The following DPY19L2 variants were observed in gnomAD, a reference collection of about 807,000 sequenced individuals.
The protein encoded by DPY19L2 is probable C-mannosyltransferase DPY19L2.
DPY19L2 carries 34 observed loss-of-function variants against 97.9 expected under a neutral mutation model. That is an observed-to-expected ratio of 0.35 (90% CI 0.26 to 0.46). DPY19L2 has a LOEUF of 0.46. Among genes scored for constraint, DPY19L2 ranks in the 20% least tolerant of loss-of-function variants. The probability of loss-of-function intolerance (pLI) is 1.00; values close to 1 mark genes in which losing one functional copy is unlikely to be tolerated. For synonymous variants in DPY19L2, 230 were observed against 307.9 expected, an observed-to-expected ratio of 0.75 and a Z score of 2.65; for missense variants, 623 against 911.4, an observed-to-expected ratio of 0.68 and a Z score of 4.07.
chr12:63,646,622 C>T (rs571127989), intron 5 of DPY19L2, among the ~76,000 whole-genome samples: 1 of 152,220 alleles, frequency 6.6e-6, no homozygotes, highest in East Asian at 1.9e-4. Flanking sequence ...GAATGAGAGT[C>T]TCAAGGGACG....
intron 4 of DPY19L2, among the ~76,000 whole-genome samples, chr12:63,651,353 AT>A (rs1894200583): frequency 6.6e-6 from 1 of 152,164 alleles, no homozygotes; most frequent in South Asian, 2.1e-4. Flanking sequence ...CAAAAATTTC[AT>A]GATGAAGATG....
chr12:63,626,573 G>C (rs1475817467), intron 6 of DPY19L2, 47 bp from the exon 7 acceptor site: 2 of 1,520,156 alleles, frequency 1.3e-6, no homozygotes, highest in Non-Finnish European at 1.8e-6. Flanking sequence ...CAAAATTCAT[G>C]TAAAATACAG....
chr12:63,632,385 A>C (rs1327759269), intron 6 of DPY19L2, among the ~76,000 whole-genome samples: 2 of 152,208 alleles, frequency 1.3e-5, no homozygotes, highest in African/African-American at 2.4e-5. Flanking sequence ...TACAAAATCA[A>C]TGTGCAAAAA....
In DPY19L2 at chr12:63,668,215, T is replaced by G; in HGVS notation, c.179A>C (p.Gln60Pro). 6.2e-7 allele frequency: 1 copy of G among 1,613,880 alleles called. No homozygotes were observed. Among genetic ancestry groups the G allele is most frequent in the South Asian group, 1.1e-5 (1 of 91,076 alleles). Residue 60 changes from glutamine (Q) to proline (P), a missense_variant, in exon 1 of 22, where the codon CAA becomes CCA. Transcript: ENST00000324472. Reference protein sequence around the residue: ...GSWRSSPGRIQSLKERKGLEL... With the variant: ...GSWRSSPGRIPSLKERKGLEL... ...CAAGCCTTTTCGCTCTTTCAGACTT[T>G]GGATCCTCCCCGGGGAGGACCTCCA...
intron 3 of DPY19L2, among the ~76,000 whole-genome samples, chr12:63,662,019 T>C (rs1293157312): frequency 6.6e-6 from 1 of 152,206 alleles, no homozygotes; most frequent in East Asian, 1.9e-4. Flanking sequence ...GAAAGCTCAG[T>C]GTCAATTGAC....
Position 63,668,042 on chromosome 12 carries a change from C to G in DPY19L2, c.337+15G>C. On this transcript the variant is annotated intron_variant, in intron 1 of 21. Transcript: ENST00000324472. ...CATGCGGCTCCCTCCTAGGGCTCTC[C>G]TGCCCTCTCCTCACCGATGCCGAGA... 6.2e-7 allele frequency: 1 copy of G among 1,611,462 alleles called. No individual in the cohort carries two copies. The highest frequency in any genetic ancestry group is 1.1e-5 in the South Asian group (1 of 90,586).
chr12:63,660,729 T>A (rs972441607), intron 4 of DPY19L2, among the ~76,000 whole-genome samples: 3 of 152,148 alleles, frequency 2.0e-5, no homozygotes, highest in Non-Finnish European at 4.4e-5. Flanking sequence ...CAGTAAGTTT[T>A]CATTAATATG....
Position 63,560,280 on chromosome 12 carries a change from G to T in DPY19L2, c.*232C>A. ...AATTCTGAAATGAACATTTGTTTAT[G>T]CAGTATGACATGAATGATTTAATAA... is the stretch of plus-strand genomic sequence containing the variant. On this transcript the variant is annotated 3_prime_UTR_variant, in exon 22 of 22. Coordinates refer to ENST00000324472, the MANE Select transcript of DPY19L2 (RefSeq NM_173812.5). 2.7e-6 allele frequency: 1 copy of T among 364,118 alleles called. No individual in the cohort carries two copies. The highest frequency in any genetic ancestry group is 4.7e-5 in the East Asian group (1 of 21,406). 22.6% of individuals were successfully genotyped at this position (364,118 alleles called of 1,614,324 possible). A position where few individuals can be genotyped will look rare whatever the true frequency, so the allele number is the denominator to read the frequency against.
chr12:63,637,783 A>G (rs1402357239), intron 6 of DPY19L2, among the ~76,000 whole-genome samples: 1 of 152,164 alleles, frequency 6.6e-6, no homozygotes, highest in East Asian at 1.9e-4. Flanking sequence ...AGAGGTACAA[A>G]GAGGAACTGG....
At chr12:63,577,162 G>T (rs1483465619) in intron 19 of DPY19L2, among the ~76,000 whole-genome samples, 1 of 151,880 alleles carries the variant, frequency 6.6e-6, no homozygotes, top group African/African-American at 2.4e-5. Flanking sequence ...TTTTACAGCA[G>T]TCCCAAAAAC....
rs1882233103 is a variant in DPY19L2 at position 63,588,631 on chromosome 12, A to G, written c.1581-4795T>C. ...TAAAGCCATTTTTAAAAAATTTAAC[A>G]TTCATTTTTTACTGCTTTATTGAGT... On this transcript the variant is annotated intron_variant, in intron 16 of 21. Coordinates refer to ENST00000324472, the MANE Select transcript of DPY19L2 (RefSeq NM_173812.5). Among the ~76,000 whole-genome samples the G allele has an allele frequency of 2.6e-5, 4 of 151,900 alleles. No homozygotes were observed. In the South Asian group the frequency reaches 8.3e-4, roughly 31 times the overall value.
rs1888659513 is a variant in DPY19L2 at position 63,621,328 on chromosome 12, G to A, written c.963C>T (p.Ser321=). The change falls in exon 9 of 22, where the codon AGC becomes AGT. Residue 321 remains serine (S), a synonymous_variant. Transcript: ENST00000324472. Reference sequence around the variant, plus strand: ...GTGCAATGAAGGGCCTTCTATCATTGCTTGAGGTCCTTAATAGAGAGAATT... The same window carrying A: ...GTGCAATGAAGGGCCTTCTATCATTACTTGAGGTCCTTAATAGAGAGAATT... ...CILTLILRTS[S]NDRRPFIALC... The A allele has an allele frequency of 1.1e-6, 1 of 948,704 alleles. No homozygotes were observed. The highest frequency in any genetic ancestry group is 1.5e-5 in the South Asian group (1 of 68,454). The allele number at this position is 948,704 out of a possible 1,614,324, so 58.8% of individuals were successfully genotyped here. A position where few individuals can be genotyped will look rare whatever the true frequency, so the allele number is the denominator to read the frequency against.
At chr12:63,601,748 A>G (rs1048716968) in intron 12 of DPY19L2, among the ~76,000 whole-genome samples, 1 of 152,166 alleles carries the variant, frequency 6.6e-6, no homozygotes, top group Admixed American at 6.5e-5. Context: ...AAAAGCACTG[A>G]TGTTAGAAAG....
At chr12:63,622,495 C>T (rs1888850424) in intron 8 of DPY19L2, among the ~76,000 whole-genome samples, 1 of 152,150 alleles carries the variant, frequency 6.6e-6, no homozygotes, top group Non-Finnish European at 1.5e-5. Flanking sequence ...AAGGTTTGTG[C>T]CACCCCAGTA....
At chr12:63,619,973 CA>C (rs1437837620) in intron 9 of DPY19L2, 4 of 455,790 alleles carry the variant, frequency 8.8e-6, no homozygotes, top group Non-Finnish European at 1.3e-5. Flanking sequence ...TGAAGTTAAA[CA>C]GACGGAATAC....
At chr12:63,660,012 G>GT (rs1357024742) in intron 4 of DPY19L2, among the ~76,000 whole-genome samples, 1 of 152,122 alleles carries the variant, frequency 6.6e-6, no homozygotes, top group Non-Finnish European at 1.5e-5. Context: ...CACAGCCATC[G>GT]TAAGAGTAAA....
intron 8 of DPY19L2, among the ~76,000 whole-genome samples, chr12:63,621,947 GA>G (rs1172374773): frequency 6.6e-6 from 1 of 151,940 alleles, no homozygotes; most frequent in Non-Finnish European, 1.5e-5. Context: ...TTTTAGATAT[GA>G]AAAAAGAAAC....
intron 19 of DPY19L2, among the ~76,000 whole-genome samples, chr12:63,578,092 C>T (rs61935048): frequency 0.17 from 25,885 of 151,844 alleles, 2,302 homozygotes; most frequent in Middle Eastern, 0.22. Context: ...TATGTAGACA[C>T]AACGCAGTGC....
intron 16 of DPY19L2, among the ~76,000 whole-genome samples, chr12:63,592,990 GAC>G (rs1396512117): frequency 6.6e-6 from 1 of 151,218 alleles, no homozygotes; most frequent in Non-Finnish European, 1.5e-5. Context: ...GACATGAACA[GAC>G]ACTTCTCAAA....
Sources: allele counts gnomAD v4.1 joint callset (sites outside exome capture counted in the v4.1 genomes callset), GRCh38; gene constraint gnomAD v4.1.1; transcripts MANE v1.5; gene names NCBI Gene and HGNC (gene_info 2026-07-23, HGNC 2026-07-21).